Variants in RNF180 observed in about 807,000 individuals in gnomAD.
RNF180 encodes the protein E3 ubiquitin-protein ligase RNF180.
In RNF180, 38 loss-of-function variants were observed where a neutral mutation model predicts 59.2. That is an observed-to-expected ratio of 0.64 (90% CI 0.50 to 0.84). The LOEUF is 0.84. Among genes scored for constraint, RNF180 ranks in the 40% least tolerant of loss-of-function variants. RNF180 has a pLI of 0.00. For missense variants in RNF180, 705 were observed against 700.9 expected (o/e 1.01, Z -0.07); for synonymous variants, 262 against 240.3 (o/e 1.09, Z -0.84).
At chr5:64,172,253 C>G (rs1012866384) in intron 1 of RNF180, among the ~76,000 whole-genome samples, 5 of 152,060 alleles carry the variant, frequency 3.3e-5, no homozygotes, top group African/African-American at 1.2e-4. Flanking sequence ...GTGAGTACTC[C>G]CCAGTGCCTG....
chr5:64,254,139 G>GA (rs1383374066), intron 5 of RNF180, among the ~76,000 whole-genome samples: 2 of 152,078 alleles, frequency 1.3e-5, no homozygotes, highest in Non-Finnish European at 2.9e-5. Flanking sequence ...ATAAAAGGTT[G>GA]AAAAATCAAG....
rs370660214 is a variant in RNF180 at position 64,174,959 on chromosome 5, CTTTTTTTTTT to C, written c.-1+9023_-1+9032del. 5.9e-4 allele frequency among the ~76,000 whole-genome samples: 50 copies of C among 84,752 alleles called. 1 individual carries two copies. The highest frequency in any genetic ancestry group is 1.5e-3 in the African/African-American group (30 of 20,290). 55.6% of individuals were successfully genotyped at this position (84,752 alleles called of 152,430 possible). A position where few individuals can be genotyped will look rare whatever the true frequency, so the allele number is the denominator to read the frequency against. Reference sequence around the variant, plus strand: ...TTACATTTAAGTCTTTAATCCAGTTCTTTTTTTTTTTTTTTTTTTTTTTTTTGAGACGGAG... The same window carrying C: ...TTACATTTAAGTCTTTAATCCAGTTCTTTTTTTTTTTTTTTTGAGACGGAG... On this transcript the variant is annotated intron_variant, in intron 1 of 7. Transcript: ENST00000389100.
chr5:64,208,617 G>C (rs1752146388), intron 2 of RNF180, among the ~76,000 whole-genome samples: 1 of 151,986 alleles, frequency 6.6e-6, no homozygotes, highest in Non-Finnish European at 1.5e-5. Flanking sequence ...TTCTAAGACT[G>C]TGTTGGTAAA....
intron 5 of RNF180, among the ~76,000 whole-genome samples, chr5:64,289,390 A>G (rs1742456547): frequency 6.6e-6 from 1 of 152,186 alleles, no homozygotes; most frequent in Admixed American, 6.5e-5. Context: ...TGGTATCAGG[A>G]TGATACTGGT....
At chr5:64,201,034 TTAAGAA>T in intron 2 of RNF180, 92 bp downstream of exon 2, 1 of 903,334 alleles carries the variant, frequency 1.1e-6, no homozygotes, top group Non-Finnish European at 1.6e-6. Flanking sequence ...CTCTACCTTA[TTAAGAA>T]TATTTATAGT....
intron 5 of RNF180, among the ~76,000 whole-genome samples, chr5:64,290,166 G>A (rs1023276975): frequency 6.6e-6 from 1 of 152,186 alleles, no homozygotes; most frequent in Non-Finnish European, 1.5e-5. Flanking sequence ...GGAACAGATA[G>A]TTCCGTTTCC....
chr5:64,179,192 T>G (rs1170953124), intron 1 of RNF180, among the ~76,000 whole-genome samples: 3 of 152,180 alleles, frequency 2.0e-5, no homozygotes, highest in Non-Finnish European at 4.4e-5. Flanking sequence ...GGTTTGCAGA[T>G]TCCTAATAAA....
intron 5 of RNF180, among the ~76,000 whole-genome samples, chr5:64,307,698 C>T (rs779764914): frequency 2.0e-5 from 3 of 151,662 alleles, no homozygotes; most frequent in Admixed American, 1.3e-4. Context: ...GCTCAGAATG[C>T]GTTCATTAGC....
chr5:64,211,966 T>C (rs1752335316), intron 2 of RNF180, 99 bp from the exon 3 acceptor site: 2 of 667,752 alleles, frequency 3.0e-6, no homozygotes, highest in East Asian at 5.6e-5. Context: ...GCCTTCTAGC[T>C]AAAATAGAAT....
intron 5 of RNF180, among the ~76,000 whole-genome samples, chr5:64,260,644 T>C (rs184992531): frequency 2.6e-4 from 39 of 152,256 alleles, no homozygotes; most frequent in Non-Finnish European, 5.4e-4. Context: ...TCTAGAGAGG[T>C]AATTAAACAT....
intron 5 of RNF180, among the ~76,000 whole-genome samples, chr5:64,241,981 T>C (rs1742836069): frequency 6.6e-6 from 1 of 152,182 alleles, no homozygotes; most frequent in Admixed American, 6.5e-5. Context: ...ACCCTCAAGC[T>C]TACATGGTTG....
At chr5:64,180,755 A>T (rs1750527650) in intron 1 of RNF180, among the ~76,000 whole-genome samples, 1 of 152,202 alleles carries the variant, frequency 6.6e-6, no homozygotes, top group African/African-American at 2.4e-5. Flanking sequence ...ACCAACGGCA[A>T]AATGGAAAGA....
At chr5:64,315,759 T>A (rs1744011494) in intron 5 of RNF180, among the ~76,000 whole-genome samples, 2 of 151,754 alleles carry the variant, frequency 1.3e-5, no homozygotes, top group African/African-American at 2.4e-5. Flanking sequence ...AAAAAAGATT[T>A]TTTACTCAAA....
intron 1 of RNF180, among the ~76,000 whole-genome samples, chr5:64,193,510 A>C (rs1477770814): frequency 5.3e-5 from 8 of 152,194 alleles, no homozygotes; most frequent in Admixed American, 5.2e-4. Context: ...AGCAAATCAC[A>C]AAGTTATCTG....
chr5:64,303,656 G>A (rs1232955309), intron 5 of RNF180, among the ~76,000 whole-genome samples: 1 of 151,616 alleles, frequency 6.6e-6, no homozygotes, highest in Non-Finnish European at 1.5e-5. Context: ...GGAAGCTTCA[G>A]AAGAAAAGTG....
intron 5 of RNF180, among the ~76,000 whole-genome samples, chr5:64,236,003 CG>C (rs1742419249): frequency 6.6e-6 from 1 of 152,124 alleles, no homozygotes; most frequent in Non-Finnish European, 1.5e-5. Context: ...AGAATTGGTA[CG>C]AGCAGAGTAA....
chr5:64,352,824 A>G (rs1745869599), intron 7 of RNF180, among the ~76,000 whole-genome samples: 1 of 152,016 alleles, frequency 6.6e-6, no homozygotes, highest in Admixed American at 6.6e-5. Flanking sequence ...TGAAATTCAC[A>G]GTACTGTCAT....
intron 5 of RNF180, among the ~76,000 whole-genome samples, chr5:64,295,430 A>G (rs550088766): frequency 6.6e-6 from 1 of 152,310 alleles, no homozygotes; most frequent in African/African-American, 2.4e-5. Context: ...CCATGAGGAG[A>G]TGGGCCTCAG....
At chr5:64,336,388 A>G (rs903682653) in intron 7 of RNF180, among the ~76,000 whole-genome samples, 1 of 149,528 alleles carries the variant, frequency 6.7e-6, no homozygotes, top group African/African-American at 2.4e-5. Context: ...TATTTTGTCT[A>G]TCTATTCACT....
Sources: allele counts gnomAD v4.1 joint callset (sites outside exome capture counted in the v4.1 genomes callset), GRCh38; gene constraint gnomAD v4.1.1; transcripts MANE v1.5; gene names NCBI Gene and HGNC (gene_info 2026-07-23, HGNC 2026-07-21).